ZNF284: variants seen among roughly 807,000 people sequenced by gnomAD.
The protein encoded by ZNF284 is zinc finger protein 284.
ZNF284 carries 12 observed loss-of-function variants against 12.9 expected under a neutral mutation model. That is an observed-to-expected ratio of 0.93 (90% CI 0.60 to 1.51). ZNF284 has a LOEUF of 1.51. Ranked by LOEUF, ZNF284 falls within the 40% of genes most tolerant of loss-of-function variation. The probability of loss-of-function intolerance (pLI) is 0.00; values close to 1 mark genes in which losing one functional copy is unlikely to be tolerated. For synonymous variants in ZNF284, 225 were observed against 236.5 expected, an observed-to-expected ratio of 0.95 and a Z score of 0.45; for missense variants, 667 against 707.3, an observed-to-expected ratio of 0.94 and a Z score of 0.65.
At chr19:44,080,417 T>C (rs2147500143) in intron 2 of ZNF284, among the ~76,000 whole-genome samples, 1 of 152,076 alleles carries the variant, frequency 6.6e-6, no homozygotes, top group Middle Eastern at 3.4e-3. Flanking sequence ...GCCAACATGG[T>C]CTCTACTAAA....
chr19:44,076,637 C>G (rs1967031971), intron 2 of ZNF284, among the ~76,000 whole-genome samples: 1 of 152,086 alleles, frequency 6.6e-6, no homozygotes, highest in Admixed American at 6.6e-5. Context: ...GAACAATTCT[C>G]CCATTTCACT....
intron 2 of ZNF284, among the ~76,000 whole-genome samples, 179 bp from the exon 3 acceptor site, chr19:44,080,836 T>G (rs1967109778): frequency 6.6e-6 from 1 of 152,180 alleles, no homozygotes; most frequent in African/African-American, 2.4e-5. Context: ...CTGGTGGAGC[T>G]CTGGAAAATC....
intron 4 of ZNF284, among the ~76,000 whole-genome samples, chr19:44,084,626 G>A (rs532188415): frequency 6.6e-6 from 1 of 152,260 alleles, no homozygotes; most frequent in East Asian, 1.9e-4. Flanking sequence ...AGCCTCCCTG[G>A]TGTCCTTCAC....
In ZNF284 at chr19:44,084,874, G is replaced by A. The variant is rs893626417; in HGVS notation, c.236-840G>A. ...GCTGCTTGAGTCTCAGGAAGTGTGT[G>A]GGTCCCATCATGAGTACCCTCTCTG... is the stretch of plus-strand genomic sequence containing the variant. On this transcript the variant is annotated intron_variant, in intron 4 of 4. Coordinates refer to ENST00000421176, the MANE Select transcript of ZNF284 (RefSeq NM_001037813.4). 2.6e-5 allele frequency among the ~76,000 whole-genome samples: 4 copies of A among 152,064 alleles called. 1 individual carries two copies. The highest frequency in any genetic ancestry group is 2.6e-4 in the Admixed American group (4 of 15,274).
intron 2 of ZNF284, among the ~76,000 whole-genome samples, chr19:44,077,713 C>T (rs557485559): frequency 6.6e-5 from 10 of 152,004 alleles, no homozygotes; most frequent in African/African-American, 2.4e-4. Flanking sequence ...ATATGAGAAA[C>T]CTGCTGAGGT....
At chr19:44,077,744 C>T (rs561745924) in intron 2 of ZNF284, among the ~76,000 whole-genome samples, 2 of 151,748 alleles carry the variant, frequency 1.3e-5, no homozygotes, top group African/African-American at 2.4e-5. Context: ...AACCTAGGGT[C>T]GGCATGTTAG....
chr19:44,076,496 G>T, intron 2 of ZNF284, 92 bp downstream of exon 2: 2 of 1,381,248 alleles, frequency 1.4e-6, no homozygotes, highest in South Asian at 2.6e-5. Context: ...GACTCAAGGA[G>T]AACAACAGTT....
rs560630414 is a variant in ZNF284 at position 44,076,504 on chromosome 19, G to A, written c.15+100G>A. 1.2e-5 allele frequency: 15 copies of A among 1,300,348 alleles called. No individual in the cohort carries two copies. The Admixed American group carries it at 2.0e-4, about 17-fold the overall frequency. The allele number at this position is 1,300,348 out of a possible 1,614,324, so 80.6% of individuals were successfully genotyped here. The stretch of plus-strand genomic sequence containing the variant: ...TTGGGAAGACTCAAGGAGAACAACA[G>A]TTATTTGTGCACCTGTTGTGTGCCA... On this transcript the variant is annotated intron_variant, in intron 2 of 4. Coordinates refer to ENST00000421176, the MANE Select transcript of ZNF284 (RefSeq NM_001037813.4).
rs763442185 is a variant in ZNF284, at chr19:44,086,561, T to A, written c.1083T>A (p.His361Gln). The A allele has an allele frequency of 6.2e-7, 1 of 1,614,176 alleles. No individual in the cohort carries two copies. The highest frequency in any genetic ancestry group is 8.5e-7 in the Non-Finnish European group (1 of 1,180,036). Residue 361 changes from histidine to glutamine, a missense_variant, in exon 5 of 5, where the codon CAT becomes CAA. Transcript: ENST00000421176. ...SFTCRQDLCK[H>Q]QMDHTGDKPY... ...CTTGTAGGCAAGATCTTTGTAAGCA[T>A]CAGATGGACCATACAGGAGACAAAC...
In ZNF284 at chr19:44,086,589, T is replaced by A. The variant is rs1745203854; in HGVS notation, c.1111T>A (p.Tyr371Asn). Residue 371 changes from tyrosine to asparagine, a missense_variant, in exon 5 of 5, where the codon TAT becomes AAT. Coordinates refer to ENST00000421176, the MANE Select transcript of ZNF284 (RefSeq NM_001037813.4). The part of the protein sequence containing the change: ...HQMDHTGDKP[Y>N]NCNVCGKGFR... Reference sequence around the variant, plus strand: ...GATGGACCATACAGGAGACAAACCATATAATTGTAATGTATGTGGGAAGGG... The same window carrying A: ...GATGGACCATACAGGAGACAAACCAAATAATTGTAATGTATGTGGGAAGGG... The A allele has an allele frequency of 6.2e-7, 1 of 1,614,190 alleles. No homozygotes were observed. The highest frequency in any genetic ancestry group is 8.5e-7 in the Non-Finnish European group (1 of 1,180,026).
chr19:44,081,548 A>C (rs1295830525), intron 3 of ZNF284, among the ~76,000 whole-genome samples: 2 of 151,926 alleles, frequency 1.3e-5, no homozygotes, highest in Non-Finnish European at 2.9e-5. Flanking sequence ...CGTCTCTACT[A>C]AAAATACAAA....
chr19:44,082,134 T>A, intron 4 of ZNF284, 29 bp downstream of exon 4: 1 of 1,559,096 alleles, frequency 6.4e-7, no homozygotes, highest in Non-Finnish European at 8.8e-7. Context: ...TGCATCCTTG[T>A]ACGTGACCCT....
Position 44,087,163 on chromosome 19 carries a change from G to T in ZNF284, c.1685G>T (p.Ser562Ile), listed in dbSNP as rs1267034017. ...SCLQDQQSDH[S>I]GEKTSKCEDC... ...CTTCAAGACCAACAAAGCGACCACA[G>T]TGGAGAAAAAACATCCAAATGTGAG... is the stretch of plus-strand genomic sequence containing the variant. Residue 562 changes from serine (S) to isoleucine (I), a missense_variant, in exon 5 of 5, where the codon AGT becomes ATT. By Grantham distance (142) the Ser-to-Ile change is moderately radical (BLOSUM62 -2). Coordinates refer to ENST00000421176, the MANE Select transcript of ZNF284 (RefSeq NM_001037813.4). 2.5e-6 allele frequency: 4 copies of T among 1,613,908 alleles called. No individual in the cohort carries two copies. The highest frequency in any genetic ancestry group is 3.3e-5 in the Admixed American group (2 of 60,002).
Position 44,076,305 on chromosome 19 carries a change from TCC to T in ZNF284, c.-68-16_-68-15del. ...CATGTCTCTTTTTTTTTTTTTGCCT[TCC>T]ATGGCATGTTTCAGGCACAATTCTG... is the stretch of plus-strand genomic sequence containing the variant. On this transcript the variant is annotated splice_polypyrimidine_tract_variant and intron_variant, in intron 1 of 4. Coordinates refer to ENST00000421176, the MANE Select transcript of ZNF284 (RefSeq NM_001037813.4). 2 of 1,417,266 alleles carry T rather than the reference TCC, an allele frequency of 1.4e-6. No homozygotes were observed. Among genetic ancestry groups the T allele is most frequent in the Admixed American group, 2.1e-5 (1 of 48,322 alleles). The allele number at this position is 1,417,266 out of a possible 1,614,324, so 87.8% of individuals were successfully genotyped here.
Position 44,072,247 on chromosome 19 carries a change from C to T in ZNF284, c.-113C>T, listed in dbSNP as rs1280813462. On this transcript the variant is annotated 5_prime_UTR_variant, in exon 1 of 5. Coordinates refer to ENST00000421176, the MANE Select transcript of ZNF284 (RefSeq NM_001037813.4). ...CCTTACGATGCTGGCTCGCAACCAC[C>T]TGGAAGTTGACTAAGGGGAGAAGGA... is the stretch of plus-strand genomic sequence containing the variant. 6.6e-6 allele frequency: 1 copy of T among 152,196 alleles called. No homozygotes were observed. Among genetic ancestry groups the T allele is most frequent in the Non-Finnish European group, 1.5e-5 (1 of 68,076 alleles). 9.4% of individuals were successfully genotyped at this position (152,196 alleles called of 1,614,324 possible).
At chr19:44,085,461 A>G (rs1257352123) in intron 4 of ZNF284, among the ~76,000 whole-genome samples, 1 of 152,244 alleles carries the variant, frequency 6.6e-6, no homozygotes, top group East Asian at 1.9e-4. Flanking sequence ...TAACTAGGAA[A>G]TTGGTAGAAA....
chr19:44,082,664 C>G (rs561110598), intron 4 of ZNF284, among the ~76,000 whole-genome samples: 3 of 152,186 alleles, frequency 2.0e-5, no homozygotes, highest in Non-Finnish European at 4.4e-5. Context: ...TGGGGAGAAG[C>G]CTTCACTTTA....
intron 3 of ZNF284, among the ~76,000 whole-genome samples, chr19:44,081,743 A>C (rs1967130014): frequency 6.6e-6 from 1 of 152,024 alleles, no homozygotes; most frequent in Admixed American, 6.6e-5. Flanking sequence ...CAAAAACAAA[A>C]AACATAAATA....
chr19:44,078,815 G>A (rs190151368), intron 2 of ZNF284, among the ~76,000 whole-genome samples: 1 of 152,072 alleles, frequency 6.6e-6, no homozygotes, highest in East Asian at 1.9e-4. Flanking sequence ...TTTTGAAATA[G>A]AGTCTTGCTG....
Sources: allele counts gnomAD v4.1 joint callset (sites outside exome capture counted in the v4.1 genomes callset), GRCh38; gene constraint gnomAD v4.1.1; transcripts MANE v1.5; gene names NCBI Gene and HGNC (gene_info 2026-07-23, HGNC 2026-07-21).